The following FMN1 variants were observed in gnomAD, a reference collection of about 807,000 sequenced individuals.
The protein encoded by FMN1 is formin-1.
A neutral mutation model predicts 132.4 loss-of-function variants in FMN1; 110 were observed. The ratio of observed to expected loss-of-function variants is 0.83; its 90% confidence interval spans 0.71 to 0.97. The LOEUF (loss-of-function observed/expected upper bound fraction) is 0.97, where lower values mean the gene tolerates loss of function less well. Among genes scored for constraint, FMN1 ranks in the 50% least tolerant of loss-of-function variants. The probability of loss-of-function intolerance (pLI) is 0.00; values close to 1 mark genes in which losing one functional copy is unlikely to be tolerated. For synonymous variants in FMN1, 722 were observed against 651.7 expected (o/e 1.11, Z -1.64); for missense variants, 1,792 against 1,705.3 (o/e 1.05, Z -0.90).
At chr15:33,115,504 A>ACG (rs2039888796) in intron 4 of FMN1, among the ~76,000 whole-genome samples, 1 of 116,174 alleles carries the variant, frequency 8.6e-6, no homozygotes, top group African/African-American at 3.1e-5. Context: ...CCCCCCCCCC[A>ACG]CACACACACG....
intron 5 of FMN1, among the ~76,000 whole-genome samples, chr15:33,084,159 G>A (rs1292777190): frequency 6.6e-6 from 1 of 152,208 alleles, no homozygotes; most frequent in African/African-American, 2.4e-5. Flanking sequence ...CTCTGCCTAT[G>A]GAGTAGCTAT....
Position 32,912,222 on chromosome 15 carries a change from G to A in FMN1, c.3227-1687C>T, listed in dbSNP as rs1488035644. Among the ~76,000 whole-genome samples, 4 of 152,178 alleles carry A rather than the reference G, an allele frequency of 2.6e-5. No homozygotes were observed. In the East Asian group the frequency reaches 7.7e-4, roughly 29 times the overall value. ...TCTTTTCCTAGTAAGTAAATACTCA[G>A]TTTTTAAAAGTTAATCAGTCTGGGG... On this transcript the variant is annotated intron_variant, in intron 10 of 20. Transcript: ENST00000616417.
At chr15:32,790,655 C>G (rs2057044489) in intron 19 of FMN1, among the ~76,000 whole-genome samples, 1 of 152,164 alleles carries the variant, frequency 6.6e-6, no homozygotes, top group East Asian at 1.9e-4. Flanking sequence ...TCCTCTAAAA[C>G]TATCTGCTTA....
intron 6 of FMN1, among the ~76,000 whole-genome samples, chr15:33,032,858 A>G (rs2036000687): frequency 1.3e-5 from 2 of 151,936 alleles, no homozygotes; most frequent in African/African-American, 4.8e-5. Flanking sequence ...TTATTTTACT[A>G]CTGTGTCTTG....
intron 6 of FMN1, among the ~76,000 whole-genome samples, chr15:33,033,510 G>A (rs2036043860): frequency 6.6e-6 from 1 of 152,044 alleles, no homozygotes; most frequent in South Asian, 2.1e-4. Flanking sequence ...TTACTTTCTT[G>A]AAAGTATCAC....
rs570113027 is a variant in FMN1, at chr15:32,961,322, C to T, written c.3138+2785G>A. Among the ~76,000 whole-genome samples, 11 of 152,038 alleles carry T rather than the reference C, an allele frequency of 7.2e-5. No individual in the cohort carries two copies. The South Asian group carries it at 1.7e-3, about 23-fold the overall frequency. Reference sequence around the variant, plus strand: ...CTAATATTTGTGTTTTTAGTAGAGACGGGGTTTCCCGAAATTGGCCAGGCT... The same window carrying T: ...CTAATATTTGTGTTTTTAGTAGAGATGGGGTTTCCCGAAATTGGCCAGGCT... On this transcript the variant is annotated intron_variant, in intron 9 of 20. Coordinates refer to ENST00000616417, the MANE Select transcript of FMN1 (RefSeq NM_001277313.2).
chr15:33,025,227 G>A (rs2035610844), intron 6 of FMN1, among the ~76,000 whole-genome samples: 1 of 152,000 alleles, frequency 6.6e-6, no homozygotes, highest in Non-Finnish European at 1.5e-5. Context: ...AAAAGAAGCT[G>A]AGAGAAATTC....
intron 6 of FMN1, among the ~76,000 whole-genome samples, chr15:33,032,627 T>C (rs1360337223): frequency 6.6e-6 from 1 of 152,204 alleles, no homozygotes; most frequent in African/African-American, 2.4e-5. Context: ...ATTTGCACAA[T>C]TAAAATAACT....
At chr15:33,000,597 A>G (rs1265658270) in intron 7 of FMN1, among the ~76,000 whole-genome samples, 2 of 152,210 alleles carry the variant, frequency 1.3e-5, no homozygotes, top group African/African-American at 4.8e-5. Context: ...CCTGGGCAAC[A>G]TGGAGAAACT....
rs1595882782 is a variant in FMN1 at position 32,774,013 on chromosome 15, T to C, written c.*297A>G. On this transcript the variant is annotated 3_prime_UTR_variant, in exon 21 of 21. Coordinates refer to ENST00000616417, the MANE Select transcript of FMN1 (RefSeq NM_001277313.2). ...GGAAATCTCAGCTTTTAAAAAAATTTTGGAAACATTTTGGTATTTCTTCTG... is the reference window on the plus strand; with the variant it reads ...GGAAATCTCAGCTTTTAAAAAAATTCTGGAAACATTTTGGTATTTCTTCTG... The C allele has an allele frequency of 7.6e-6, 3 of 396,574 alleles. No homozygotes were observed. The East Asian group carries it at 1.6e-4, about 21-fold the overall frequency. The allele number at this position is 396,574 out of a possible 1,614,324, so 24.6% of individuals were successfully genotyped here. A position where few individuals can be genotyped will look rare whatever the true frequency, so the allele number is the denominator to read the frequency against.
chr15:32,799,354 C>A (rs2140982250), intron 18 of FMN1, among the ~76,000 whole-genome samples: 1 of 152,254 alleles, frequency 6.6e-6, no homozygotes, highest in South Asian at 2.1e-4. Flanking sequence ...TTCGATAGCT[C>A]ATTGGGAATA....
Position 32,767,974 on chromosome 15 carries a change from T to A in FMN1, c.*6336A>T, listed in dbSNP as rs2056103387. ...ATGTATGAAGAAATAAGATTTTATC[T>A]AGAGACAAGTTAGCATGAAGCGAGG... On this transcript the variant is annotated 3_prime_UTR_variant, in exon 21 of 21. Transcript: ENST00000616417. The A allele has an allele frequency of 6.6e-6, 1 of 152,198 alleles. No homozygotes were observed. The allele number at this position is 152,198 out of a possible 1,614,324, so 9.4% of individuals were successfully genotyped here.
chr15:32,966,587 C>T (rs1384604244), intron 8 of FMN1, among the ~76,000 whole-genome samples: 1 of 151,982 alleles, frequency 6.6e-6, no homozygotes, highest in East Asian at 1.9e-4. Flanking sequence ...CTTGCTTATT[C>T]TAGAAATCAC....
intron 19 of FMN1, among the ~76,000 whole-genome samples, chr15:32,794,742 C>T (rs2057221230): frequency 6.6e-6 from 1 of 152,048 alleles, no homozygotes; most frequent in Non-Finnish European, 1.5e-5. Context: ...TCATGAGGTA[C>T]AAATACAAAA....
chr15:33,146,148 T>A (rs1358015620), intron 4 of FMN1, among the ~76,000 whole-genome samples: 2 of 152,020 alleles, frequency 1.3e-5, no homozygotes, highest in Admixed American at 1.3e-4. Flanking sequence ...AATCTGAATC[T>A]CAGCGTTTGA....
chr15:32,976,366 A>T (rs2032204530), intron 7 of FMN1, among the ~76,000 whole-genome samples: 1 of 152,184 alleles, frequency 6.6e-6, no homozygotes, highest in Non-Finnish European at 1.5e-5. Flanking sequence ...TGCTTAGGTA[A>T]GGCAAGGAGA....
At chr15:33,115,657 G>A (rs924954410) in intron 4 of FMN1, among the ~76,000 whole-genome samples, 4 of 151,998 alleles carry the variant, frequency 2.6e-5, no homozygotes, top group East Asian at 1.9e-4. Flanking sequence ...CCTGCATCAG[G>A]TAATTGTCTG....
At position 33,162,518 on chromosome 15, in the gene FMN1, A is replaced by G. The variant is rs556279620; in HGVS notation, c.-131-7473T>C. On this transcript the variant is annotated intron_variant, in intron 3 of 20. Transcript: ENST00000616417. ...TTTTAAAATAGCCCCTCATTAAAAT[A>G]TGGGCCTTGGACAGGTAGAGATTAA... Among the ~76,000 whole-genome samples, 292 of 152,324 alleles carry G rather than the reference A, an allele frequency of 1.9e-3. 1 individual carries two copies. The highest frequency in any genetic ancestry group is 6.9e-3 in the African/African-American group (287 of 41,574).
intron 4 of FMN1, among the ~76,000 whole-genome samples, chr15:33,121,273 T>G (rs1409565992): frequency 6.6e-6 from 1 of 152,216 alleles, no homozygotes; most frequent in Admixed American, 6.5e-5. Flanking sequence ...TATGCCTGAT[T>G]CTGAGTTTCA....
Sources: gnomAD v4.1 joint callset for allele counts (sites outside exome capture counted in the v4.1 genomes callset) on GRCh38, gnomAD v4.1.1 for gene constraint, MANE v1.5 for transcripts, NCBI Gene and HGNC (gene_info 2026-07-23, HGNC 2026-07-21) for gene names.